Variants in OSBPL1A observed in about 807,000 individuals in gnomAD.
OSBPL1A encodes the protein oxysterol binding protein like 1A.
Under a neutral mutation model 137.1 loss-of-function variants are expected in OSBPL1A, and 80 were observed. That is an observed-to-expected ratio of 0.58 (90% confidence interval 0.49 to 0.70). The LOEUF (loss-of-function observed/expected upper bound fraction) is 0.70, where lower values mean the gene tolerates loss of function less well. Among genes scored for constraint, OSBPL1A ranks in the 30% least tolerant of loss-of-function variants. The pLI, the probability that OSBPL1A is intolerant of heterozygous loss-of-function variation, is 0.00. For missense variants in OSBPL1A, 970 were observed against 1,129.4 expected, an observed-to-expected ratio of 0.86 and a Z score of 2.02; for synonymous variants, 365 against 389.7, an observed-to-expected ratio of 0.94 and a Z score of 0.75.
chr18:24,193,158 C>A (rs1183016801), intron 18 of OSBPL1A, among the ~76,000 whole-genome samples: 1 of 152,168 alleles, frequency 6.6e-6, no homozygotes, highest in East Asian at 1.9e-4. Flanking sequence ...ACAAAAAGGA[C>A]ACGAAGTGAA....
intron 7 of OSBPL1A, among the ~76,000 whole-genome samples, chr18:24,325,796 G>T (rs2090964888): frequency 6.6e-6 from 1 of 152,080 alleles, no homozygotes; most frequent in African/African-American, 2.4e-5. Context: ...GATTAAACTG[G>T]GAGGAAACAA....
intron 7 of OSBPL1A, among the ~76,000 whole-genome samples, chr18:24,320,684 A>C (rs1052534210): frequency 6.6e-6 from 1 of 152,206 alleles, no homozygotes; most frequent in African/African-American, 2.4e-5. Context: ...GGTTTTAAGT[A>C]AGAGTAACAT....
At chr18:24,180,607 G>C (rs1283495035) in intron 19 of OSBPL1A, among the ~76,000 whole-genome samples, 1 of 152,162 alleles carries the variant, frequency 6.6e-6, no homozygotes, top group Non-Finnish European at 1.5e-5. Context: ...GGGCACGGTG[G>C]CTCATGCCTG....
intron 21 of OSBPL1A, among the ~76,000 whole-genome samples, chr18:24,174,067 G>A (rs56047236): frequency 0.088 from 13,392 of 152,266 alleles, 741 homozygotes; most frequent in Middle Eastern, 0.26. Context: ...CTACGTATCA[G>A]TCTTTGTGCT....
intron 7 of OSBPL1A, among the ~76,000 whole-genome samples, chr18:24,325,181 G>A (rs1568028754): frequency 6.6e-6 from 1 of 152,152 alleles, no homozygotes; most frequent in African/African-American, 2.4e-5. Context: ...ACTTGATAAA[G>A]GGTATAAACG....
At position 24,225,131 on chromosome 18, in the gene OSBPL1A, T is replaced by C. The variant is rs529176871; in HGVS notation, c.1512A>G (p.Gly504=). The change falls in exon 17 of 28, where the codon GGA becomes GGG. Residue 504 remains glycine (G), a synonymous_variant. Coordinates refer to ENST00000319481, the MANE Select transcript of OSBPL1A (RefSeq NM_080597.4). The stretch of plus-strand genomic sequence containing the variant: ...TGTGTTTTCTACTGCCCAAATGCTC[T>C]CCTTCCTCTTCAAAGGAGCGTGCTG... ...AVTARSFEEE[G]EHLGSRKHRM... 6.2e-7 allele frequency: 1 copy of C among 1,614,180 alleles called. No homozygotes were observed. The highest frequency in any genetic ancestry group is 8.5e-7 in the Non-Finnish European group (1 of 1,180,010).
chr18:24,262,881 G>T (rs28411719), intron 15 of OSBPL1A, among the ~76,000 whole-genome samples: 11,583 of 151,958 alleles, frequency 0.076, 535 homozygotes, highest in African/African-American at 0.13. Context: ...ATCATGCAGG[G>T]TGTGTACTCT....
intron 4 of OSBPL1A, chr18:24,358,333 C>A (rs1328771726): frequency 3.2e-6 from 2 of 617,612 alleles, no homozygotes; most frequent in Non-Finnish European, 5.8e-6. Context: ...GAAGCATCAT[C>A]TCCTCTGCAA....
intron 16 of OSBPL1A, among the ~76,000 whole-genome samples, chr18:24,226,550 C>T (rs2088082555): frequency 6.6e-6 from 1 of 152,162 alleles, no homozygotes; most frequent in Non-Finnish European, 1.5e-5. Flanking sequence ...ATAAATTTAT[C>T]AACAATCTGC....
chr18:24,386,972 C>G lies in OSBPL1A; in HGVS notation c.-2-9437G>C, dbSNP rs561748375. Among the ~76,000 whole-genome samples the G allele has an allele frequency of 2.3e-4, 35 of 151,692 alleles. 1 individual carries two copies. In the South Asian group the frequency reaches 7.3e-3, roughly 32 times the overall value. ...ACCCTATGTCAAAAACATATATATA[C>G]TTTTTTGAAATATATTTATTTCAAA... On this transcript the variant is annotated intron_variant, in intron 1 of 27. Coordinates refer to ENST00000319481, the MANE Select transcript of OSBPL1A (RefSeq NM_080597.4).
intron 1 of OSBPL1A, among the ~76,000 whole-genome samples, chr18:24,395,269 G>A (rs1760558897): frequency 6.6e-6 from 1 of 152,150 alleles, no homozygotes; most frequent in African/African-American, 2.4e-5. Context: ...TTTCTCACAC[G>A]CACTTGATAT....
In OSBPL1A at chr18:24,165,081, C is replaced by T. The variant is rs1248009488; in HGVS notation, c.2734G>A (p.Glu912Lys). 2.5e-6 allele frequency: 4 copies of T among 1,614,170 alleles called. No homozygotes were observed. Among genetic ancestry groups the T allele is most frequent in the South Asian group, 1.1e-5 (1 of 91,084 alleles). Residue 912 changes from glutamate to lysine, a missense_variant, in exon 27 of 28, where the codon GAG becomes AAG. Around this residue, in one of 2 missense-constraint regions of OSBPL1A, gnomAD observed 323 missense variants for 456.8 expected, o/e 0.71. Coordinates refer to ENST00000319481, the MANE Select transcript of OSBPL1A (RefSeq NM_080597.4). ...GGCACGCACCTCGTCTTCCAGTCCT[C>T]TTCTGACTTGGACCTGTTTTTGCGG... The part of the protein sequence containing the change: ...AARKNRSKSE[E>K]DWKTRWFHQG...
chr18:24,296,784 G>A (rs1271314341), intron 14 of OSBPL1A, among the ~76,000 whole-genome samples: 1 of 151,756 alleles, frequency 6.6e-6, no homozygotes, highest in Non-Finnish European at 1.5e-5. Context: ...ACTTTTAATT[G>A]TTTGTGATAT....
chr18:24,172,129 C>T (rs1479288107), intron 22 of OSBPL1A, among the ~76,000 whole-genome samples: 2 of 151,916 alleles, frequency 1.3e-5, no homozygotes, highest in African/African-American at 4.8e-5. Flanking sequence ...TTAGTAGAGA[C>T]GGGGTTTCAC....
At chr18:24,390,694 C>CAAAAAA (rs751432894) in intron 1 of OSBPL1A, among the ~76,000 whole-genome samples, 2 of 56,208 alleles carry the variant, frequency 3.6e-5, no homozygotes, top group African/African-American at 1.4e-4. Flanking sequence ...GACTCCGTCT[C>CAAAAAA]AAAAAAAAAA....
rs575221676 is a variant in OSBPL1A, at chr18:24,314,466, A to G, written c.871-119T>C. 345 of 606,258 alleles carry G rather than the reference A, an allele frequency of 5.7e-4. 2 individuals are homozygous for G. The highest frequency in any genetic ancestry group is 5.5e-3 in the South Asian group (215 of 38,794). The allele number at this position is 606,258 out of a possible 1,614,324, so 37.6% of individuals were successfully genotyped here. ...TTAACGATACCCAGTTGAACACTTAAGTATTGACAGATAAAAATTGGAAAA... is the reference window on the plus strand; with the variant it reads ...TTAACGATACCCAGTTGAACACTTAGGTATTGACAGATAAAAATTGGAAAA... On this transcript the variant is annotated intron_variant, in intron 11 of 27. Transcript: ENST00000319481.
At chr18:24,175,341 A>T (rs1168219818) in intron 21 of OSBPL1A, among the ~76,000 whole-genome samples, 2 of 150,656 alleles carry the variant, frequency 1.3e-5, no homozygotes, top group African/African-American at 4.9e-5. Context: ...GCATGTCACC[A>T]AACCTGGCTA....
intron 1 of OSBPL1A, among the ~76,000 whole-genome samples, chr18:24,385,008 G>A (rs1906856216): frequency 6.7e-6 from 1 of 149,790 alleles, no homozygotes; most frequent in African/African-American, 2.5e-5. Context: ...AGGCTGGAGT[G>A]CAGTGGCACA....
intron 17 of OSBPL1A, among the ~76,000 whole-genome samples, chr18:24,213,229 A>T (rs753596289): frequency 3.3e-5 from 5 of 152,230 alleles, no homozygotes; most frequent in African/African-American, 9.6e-5. Flanking sequence ...TTAGTTATGA[A>T]TCTTTAAAAA....
Sources: gnomAD v4.1 joint callset for allele counts (sites outside exome capture counted in the v4.1 genomes callset) on GRCh38, gnomAD v4.1.1 for gene constraint, gnomAD v4.1.1 regional missense constraint, MANE v1.5 for transcripts, NCBI Gene and HGNC (gene_info 2026-07-23, HGNC 2026-07-21) for gene names.